KSR2: variants seen among roughly 807,000 people sequenced by gnomAD.
KSR2 encodes the protein kinase suppressor of ras 2.
A neutral mutation model predicts 107.8 loss-of-function variants in KSR2; 25 were observed. That is an observed-to-expected ratio of 0.23 (90% CI 0.17 to 0.32). The LOEUF (loss-of-function observed/expected upper bound fraction) is 0.32. KSR2 is among the 10% of genes least tolerant of loss of function. The pLI, the probability that KSR2 is intolerant of heterozygous loss-of-function variation, is 1.00. For synonymous variants in KSR2, 480 were observed against 507.0 expected, an observed-to-expected ratio of 0.95 and a Z score of 0.71; for missense variants, 887 against 1,268.9, an observed-to-expected ratio of 0.70 and a Z score of 4.57.
chr12:117,860,965 C>T (rs1426015478), intron 1 of KSR2, among the ~76,000 whole-genome samples: 2 of 152,106 alleles, frequency 1.3e-5, no homozygotes, highest in African/African-American at 2.4e-5. Context: ...GTGATCCACC[C>T]GCCTCGGCCT....
At chr12:117,873,461 C>CTTTTTTT (rs546188012) in intron 1 of KSR2, among the ~76,000 whole-genome samples, 2 of 119,510 alleles carry the variant, frequency 1.7e-5, no homozygotes, top group Non-Finnish European at 1.7e-5. Flanking sequence ...GTTCATGGTG[C>CTTTTTTT]TTTTTTTTTT....
intron 16 of KSR2, among the ~76,000 whole-genome samples, chr12:117,484,011 T>C (rs902753775): frequency 1.3e-5 from 2 of 152,248 alleles, no homozygotes; most frequent in Non-Finnish European, 2.9e-5. Context: ...CCTCTGACTT[T>C]AAATCTCTTG....
At chr12:117,714,163 G>T (rs1232235532) in intron 4 of KSR2, among the ~76,000 whole-genome samples, 1 of 152,118 alleles carries the variant, frequency 6.6e-6, no homozygotes, top group Admixed American at 6.6e-5. Flanking sequence ...CCGATTTAAG[G>T]TTCAAATCTT....
intron 3 of KSR2, among the ~76,000 whole-genome samples, chr12:117,803,326 T>C (rs1183994262): frequency 1.3e-5 from 2 of 152,184 alleles, no homozygotes; most frequent in East Asian, 3.9e-4. Context: ...ATACAATATA[T>C]TCACCTTTTG....
rs181548580 is a variant in KSR2, at chr12:117,910,904, C to A, written c.181-50473G>T. On this transcript the variant is annotated intron_variant, in intron 1 of 19. Transcript: ENST00000339824. ...CACTCACAAAGACCACAGTTCGGTG[C>A]CTCCCAACTTGATCCTGTGTGAAAT... 5.3e-5 allele frequency among the ~76,000 whole-genome samples: 8 copies of A among 152,228 alleles called. No homozygotes were observed. In the East Asian group the frequency reaches 1.4e-3, roughly 26 times the overall value.
intron 12 of KSR2, among the ~76,000 whole-genome samples, chr12:117,527,846 G>A (rs577894946): frequency 2.0e-5 from 3 of 151,936 alleles, no homozygotes; most frequent in Non-Finnish European, 4.4e-5. Flanking sequence ...AGAATTACTG[G>A]GTGTATTTGA....
intron 1 of KSR2, among the ~76,000 whole-genome samples, chr12:117,956,022 G>A (rs1225168501): frequency 6.6e-6 from 1 of 150,602 alleles, no homozygotes; most frequent in South Asian, 2.1e-4. Flanking sequence ...AGGCCGAGAC[G>A]GGCGGATCAT....
chr12:117,598,401 C>T (rs1450203456), intron 5 of KSR2, among the ~76,000 whole-genome samples: 2 of 152,106 alleles, frequency 1.3e-5, no homozygotes, highest in Non-Finnish European at 2.9e-5. Context: ...GGGCATTTGG[C>T]TTGGTTTTAT....
chr12:117,746,831 A>C (rs1453762992), intron 4 of KSR2, among the ~76,000 whole-genome samples: 4 of 152,158 alleles, frequency 2.6e-5, no homozygotes, highest in Non-Finnish European at 5.9e-5. Context: ...TAAAAAAAAA[A>C]AGCTCATCGT....
chr12:117,703,179 A>G (rs1244019901), intron 4 of KSR2, among the ~76,000 whole-genome samples: 1 of 152,166 alleles, frequency 6.6e-6, no homozygotes, highest in Non-Finnish European at 1.5e-5. Flanking sequence ...CAAATCACAC[A>G]TTCAGAAGTT....
intron 5 of KSR2, among the ~76,000 whole-genome samples, chr12:117,592,630 G>T (rs1046800317): frequency 6.6e-6 from 1 of 152,218 alleles, no homozygotes; most frequent in African/African-American, 2.4e-5. Flanking sequence ...TGCCGGTAAA[G>T]AAAGAAAAGA....
intron 3 of KSR2, among the ~76,000 whole-genome samples, chr12:117,788,665 C>A (rs1890159230): frequency 6.6e-6 from 1 of 152,112 alleles, no homozygotes; most frequent in South Asian, 2.1e-4. Flanking sequence ...CCACGCCTGG[C>A]TTTTTTGTTT....
intron 4 of KSR2, among the ~76,000 whole-genome samples, chr12:117,723,790 C>T (rs113853509): frequency 2.0e-5 from 3 of 152,112 alleles, no homozygotes; most frequent in Non-Finnish European, 2.9e-5. Flanking sequence ...GAGTCTTCAA[C>T]CATTTCATAA....
chr12:117,738,116 T>A (rs1888016112), intron 4 of KSR2, among the ~76,000 whole-genome samples: 1 of 152,114 alleles, frequency 6.6e-6, no homozygotes, highest in Non-Finnish European at 1.5e-5. Flanking sequence ...ACTCAGCAAT[T>A]GAGAGTAAGG....
chr12:117,514,165 G>T (rs1874215807), intron 14 of KSR2, among the ~76,000 whole-genome samples: 1 of 152,242 alleles, frequency 6.6e-6, no homozygotes, highest in South Asian at 2.1e-4. Flanking sequence ...GGTAAATAGT[G>T]AAAGCTGTTG....
chr12:117,571,233 G>A (rs1190978217), intron 7 of KSR2, among the ~76,000 whole-genome samples: 3 of 152,076 alleles, frequency 2.0e-5, no homozygotes, highest in African/African-American at 7.2e-5. Context: ...ACTCCATCCT[G>A]GGCAACAGAG....
chr12:117,694,097 T>C lies in KSR2; in HGVS notation c.987-26439A>G, dbSNP rs374530377. Reference sequence around the variant, plus strand: ...AACAGGAACCCCACTGCATGGCTAGTGCGAATGTGAAGTGATGCAGCTGCT... The same window carrying C: ...AACAGGAACCCCACTGCATGGCTAGCGCGAATGTGAAGTGATGCAGCTGCT... On this transcript the variant is annotated intron_variant, in intron 4 of 19. Coordinates refer to ENST00000339824, the MANE Select transcript of KSR2 (RefSeq NM_173598.6). Among the ~76,000 whole-genome samples the C allele has an allele frequency of 3.3e-5, 5 of 152,258 alleles. No homozygotes were observed. In the South Asian group the frequency reaches 1.0e-3, roughly 32 times the overall value.
intron 8 of KSR2, among the ~76,000 whole-genome samples, 167 bp downstream of exon 8, chr12:117,558,339 A>T (rs1467724976): frequency 6.6e-6 from 1 of 152,102 alleles, no homozygotes; most frequent in East Asian, 1.9e-4. Context: ...GGGGAGGATA[A>T]AGGAGACAGA....
At chr12:117,924,254 T>C (rs1354755674) in intron 1 of KSR2, among the ~76,000 whole-genome samples, 2 of 150,826 alleles carry the variant, frequency 1.3e-5, no homozygotes, top group Non-Finnish European at 3.0e-5. Flanking sequence ...AGATATCAAG[T>C]TGGTGACATA....
Sources: allele counts gnomAD v4.1 joint callset (sites outside exome capture counted in the v4.1 genomes callset), GRCh38; gene constraint gnomAD v4.1.1; transcripts MANE v1.5; gene names NCBI Gene and HGNC (gene_info 2026-07-23, HGNC 2026-07-21).